The following ARVCF variants were observed in gnomAD, a reference collection of about 807,000 sequenced individuals.
ARVCF encodes the protein ARVCF delta catenin family member.
ARVCF carries 66 observed loss-of-function variants against 90.9 expected under a neutral mutation model. The ratio of observed to expected loss-of-function variants is 0.73; its 90% CI spans 0.60 to 0.89. ARVCF has a LOEUF of 0.89. Ranked by LOEUF, ARVCF falls within the 40% of genes least tolerant of loss-of-function variation. The pLI is 0.00. For missense variants in ARVCF, 1,469 were observed against 1,382.3 expected (o/e 1.06, Z -1.00); for synonymous variants, 653 against 603.4 (o/e 1.08, Z -1.21).
rs748482942 is a variant in ARVCF at position 19,977,477 on chromosome 22, G to C, written c.1808C>G (p.Ala603Gly). 18 of 1,592,878 alleles carry C rather than the reference G, an allele frequency of 1.1e-5. No homozygotes were observed. The highest frequency in any genetic ancestry group is 1.8e-5 in the Admixed American group (1 of 56,396). The change falls in exon 9 of 20, where the codon GCT becomes GGT. Residue 603 changes from alanine to glycine, a missense_variant. Coordinates refer to ENST00000263207, the MANE Select transcript of ARVCF (RefSeq NM_001670.3). ...QEAEPGPLGS[A>G]VGSQRRRRDD... The stretch of plus-strand genomic sequence containing the variant: ...CCGCCTCCGGCGCTGGGAGCCTACA[G>C]CACTGCCCAGGGGCCCGGGCTCGGC...
intron 2 of ARVCF, among the ~76,000 whole-genome samples, chr22:20,007,396 C>A (rs747250987): frequency 6.6e-6 from 1 of 152,160 alleles, no homozygotes; most frequent in Admixed American, 6.5e-5. Flanking sequence ...AGCGAGACTC[C>A]GTCTCAAAAC....
intron 5 of ARVCF, 151 bp from the exon 6 acceptor site, chr22:19,980,393 C>T: frequency 8.4e-7 from 1 of 1,194,768 alleles, no homozygotes; most frequent in Middle Eastern, 3.0e-4. Flanking sequence ...ATGGTGGGGA[C>T]ACAGAGAGTC....
intron 2 of ARVCF, among the ~76,000 whole-genome samples, chr22:20,006,541 T>C (rs985829941): frequency 1.4e-5 from 2 of 144,812 alleles, no homozygotes; most frequent in African/African-American, 5.1e-5. Flanking sequence ...ATCGCGCCAC[T>C]GCACTCCAGC....
At chr22:20,001,532 G>A (rs564064505) in intron 2 of ARVCF, among the ~76,000 whole-genome samples, 41 of 152,338 alleles carry the variant, frequency 2.7e-4, no homozygotes, top group Non-Finnish European at 1.3e-4. Flanking sequence ...GGCTGGGCAC[G>A]ATGGCTCATA....
intron 8 of ARVCF, 147 bp from the exon 9 acceptor site, chr22:19,977,733 C>A (rs967092826): frequency 9.7e-6 from 12 of 1,234,146 alleles, no homozygotes; most frequent in South Asian, 1.6e-5. Context: ...GGGCGGTAAC[C>A]GCCAGGAAGG....
At chr22:20,000,798 T>C (rs1339175764) in intron 2 of ARVCF, among the ~76,000 whole-genome samples, 1 of 152,154 alleles carries the variant, frequency 6.6e-6, no homozygotes, top group Non-Finnish European at 1.5e-5. Context: ...CCTTCCACCA[T>C]GAGAGGACAC....
intron 2 of ARVCF, among the ~76,000 whole-genome samples, chr22:19,991,212 G>A (rs1377343276): frequency 6.6e-6 from 1 of 152,374 alleles, no homozygotes; most frequent in East Asian, 1.9e-4. Context: ...ATCTCACAGA[G>A]GCAGATGCCA....
At chr22:19,991,666 G>A (rs1044376082) in intron 2 of ARVCF, among the ~76,000 whole-genome samples, 6 of 152,232 alleles carry the variant, frequency 3.9e-5, no homozygotes, top group Non-Finnish European at 7.3e-5. Context: ...AGGGGAGCAG[G>A]CGGGGGCCAT....
At chr22:19,978,135 C>T in intron 7 of ARVCF, 60 bp from the exon 8 acceptor site, 1 of 1,497,158 alleles carries the variant, frequency 6.7e-7, no homozygotes, top group South Asian at 1.2e-5. Flanking sequence ...TGGCTCCACC[C>T]TGGCCTTGTG....
rs149233497 is a variant in ARVCF, at chr22:19,977,681, G to A, written c.1699-95C>T. On this transcript the variant is annotated intron_variant, in intron 8 of 19. Transcript: ENST00000263207. ...CACAGCTGGTGTGCATGAGGGCACCGGGAGCAAAGGAACAGGGAGTCCTCA... is the reference window on the plus strand; with the variant it reads ...CACAGCTGGTGTGCATGAGGGCACCAGGAGCAAAGGAACAGGGAGTCCTCA... The A allele has an allele frequency of 6.2e-4, 885 of 1,437,440 alleles. 5 individuals are homozygous for A. The highest frequency in any genetic ancestry group is 4.2e-3 in the East Asian group (171 of 40,936). The allele number at this position is 1,437,440 out of a possible 1,614,324, so 89.0% of individuals were successfully genotyped here. A position where few individuals can be genotyped will look rare whatever the true frequency, so the allele number is the denominator to read the frequency against.
chr22:19,996,688 C>A (rs1034565), intron 2 of ARVCF, among the ~76,000 whole-genome samples: 1 of 152,114 alleles, frequency 6.6e-6, no homozygotes, highest in African/African-American at 2.4e-5. Context: ...TCGAAGCACG[C>A]GCCGCTGGCA....
intron 2 of ARVCF, among the ~76,000 whole-genome samples, chr22:20,000,881 C>T (rs1032692252): frequency 6.6e-6 from 1 of 152,178 alleles, no homozygotes; most frequent in Non-Finnish European, 1.5e-5. Flanking sequence ...TTCCCAGCCT[C>T]CAGCACTGTG....
Position 19,973,632 on chromosome 22 carries a change from G to C in ARVCF, c.2239+11C>G. 2 of 1,599,668 alleles carry C rather than the reference G, an allele frequency of 1.3e-6. No individual in the cohort carries two copies. Among genetic ancestry groups the C allele is most frequent in the Non-Finnish European group, 1.7e-6 (2 of 1,172,434 alleles). On this transcript the variant is annotated intron_variant, in intron 13 of 19. Coordinates refer to ENST00000263207, the MANE Select transcript of ARVCF (RefSeq NM_001670.3). ...TCGGTGCCCAGGCGTGGGCTTTGCA[G>C]GCGTCCTCACCGATGAGGTCTTTGT...
At chr22:20,010,052 G>C (rs900916128) in intron 2 of ARVCF, among the ~76,000 whole-genome samples, 3 of 152,196 alleles carry the variant, frequency 2.0e-5, no homozygotes, top group Non-Finnish European at 4.4e-5. Context: ...AGTCTCTGGG[G>C]GGCAAGCGAA....
intron 9 of ARVCF, 84 bp from the exon 10 acceptor site, chr22:19,976,807 C>T: frequency 2.0e-6 from 3 of 1,484,270 alleles, no homozygotes; most frequent in South Asian, 2.4e-5. Flanking sequence ...TCCCGGAAGC[C>T]TCAGGTTCCC....
In ARVCF at chr22:19,973,114, C is replaced by T. The variant is rs1464134080; in HGVS notation, c.2438+5G>A. The T allele has an allele frequency of 1.9e-6, 3 of 1,604,684 alleles. No homozygotes were observed. The highest frequency in any genetic ancestry group is 2.5e-6 in the Non-Finnish European group (3 of 1,176,626). The stretch of plus-strand genomic sequence containing the variant: ...CCCCAAGCCACCGACCCCGCCCCTC[C>T]ACACCTGGAGGCCACGAGAGCCACC... On this transcript the variant is annotated splice_donor_5th_base_variant and intron_variant, in intron 14 of 19. Coordinates refer to ENST00000263207, the MANE Select transcript of ARVCF (RefSeq NM_001670.3).
At chr22:19,968,750 C>T, downstream of ARVCF, 2 of 1,605,312 alleles carry the variant, frequency 1.2e-6, no homozygotes, top group African/African-American at 1.3e-5. Context: ...CCCCCCCGGC[C>T]CCCCTCTCGG....
intron 3 of ARVCF, 68 bp from the exon 4 acceptor site, chr22:19,982,159 ACACAGCAGCTCTGCCT>A: frequency 6.3e-7 from 1 of 1,575,540 alleles, no homozygotes; most frequent in Non-Finnish European, 8.6e-7. Flanking sequence ...AGGTCTCCAC[ACACAGCAGCTCTGCCT>A]CAGCTCATGC....
Position 19,970,170 on chromosome 22 carries a change from T to G in ARVCF, c.*586A>C. 1.0e-6 allele frequency: 1 copy of G among 987,870 alleles called. No individual in the cohort carries two copies. Among genetic ancestry groups the G allele is most frequent in the Non-Finnish European group, 1.2e-6 (1 of 831,486 alleles). 61.2% of individuals were successfully genotyped at this position (987,870 alleles called of 1,614,324 possible). On this transcript the variant is annotated 3_prime_UTR_variant, in exon 20 of 20. Transcript: ENST00000263207. The stretch of plus-strand genomic sequence containing the variant: ...CAGGGGCCTCACGTGACTGCAGGGC[T>G]CTGGGGAGGTGGGGCACCTGTAGCC...
Sources: allele counts gnomAD v4.1 joint callset (sites outside exome capture counted in the v4.1 genomes callset), GRCh38; gene constraint gnomAD v4.1.1; transcripts MANE v1.5; gene names NCBI Gene and HGNC (gene_info 2026-07-23, HGNC 2026-07-21).